CD99: variants seen among roughly 807,000 people sequenced by gnomAD.
CD99 encodes CD99 antigen.
Under a neutral mutation model 28.4 loss-of-function variants are expected in CD99, and 19 were observed. That is an observed-to-expected ratio of 0.67 (90% CI 0.47 to 0.98). CD99 has a LOEUF of 0.98. CD99 is among the 50% of genes least tolerant of loss of function. The pLI is 0.00. For synonymous variants in CD99, 103 were observed against 92.1 expected, an observed-to-expected ratio of 1.12 and a Z score of -0.67; for missense variants, 283 against 248.8, an observed-to-expected ratio of 1.14 and a Z score of -0.92.
chrX:2,707,101 A>G (rs2048156418), intron 1 of CD99, among the ~76,000 whole-genome samples: 1 of 152,186 alleles, frequency 6.6e-6, no homozygotes, highest in African/African-American at 2.4e-5. Flanking sequence ...AGGCCAAGGC[A>G]GGCAGATCAC....
At chrX:2,708,357 T>G (rs1029251510) in intron 1 of CD99, among the ~76,000 whole-genome samples, 7 of 151,986 alleles carry the variant, frequency 4.6e-5, no homozygotes, top group African/African-American at 1.7e-4. Context: ...TGGGGTGGTG[T>G]TTGGGGAGCT....
At chrX:2,695,191 C>T (rs17842917) in intron 1 of CD99, among the ~76,000 whole-genome samples, 2,319 of 151,648 alleles carry the variant, frequency 0.015, 73 homozygotes, top group African/African-American at 0.053. Context: ...GTGTGTCTCT[C>T]GGGGTGCGAA....
At chrX:2,733,503 G>A (rs936614706) in intron 8 of CD99, 8 of 944,536 alleles carry the variant, frequency 8.5e-6, no homozygotes, top group East Asian at 2.6e-5. Context: ...TTCCCACCAC[G>A]ATGGGATTCT....
At chrX:2,726,812 G>A (rs2049310296) in intron 8 of CD99, among the ~76,000 whole-genome samples, 1 of 142,868 alleles carries the variant, frequency 7.0e-6, no homozygotes, top group Non-Finnish European at 1.5e-5. Flanking sequence ...GGGCCGCCAC[G>A]GTCCTTTCTC....
intron 1 of CD99, among the ~76,000 whole-genome samples, chrX:2,713,417 C>G (rs761592827): frequency 6.6e-6 from 1 of 152,036 alleles, no homozygotes; most frequent in African/African-American, 2.4e-5. Flanking sequence ...ATGCACCTGC[C>G]TATATGCACC....
intron 1 of CD99, among the ~76,000 whole-genome samples, chrX:2,713,144 C>T (rs1306556137): frequency 8.0e-5 from 12 of 150,724 alleles, no homozygotes; most frequent in African/African-American, 2.0e-4. Flanking sequence ...ACACACAAAC[C>T]CACATATACA....
Position 2,712,838 on chromosome X carries a change from A to G in CD99, c.68-1584A>G, listed in dbSNP as rs981413776. ...ACCTACCTGTATGTACATACTCAAA[A>G]CACACCTTCACACTATACTCACCTA... On this transcript the variant is annotated intron_variant, in intron 1 of 9. Transcript: ENST00000381192. Among the ~76,000 whole-genome samples the G allele has an allele frequency of 7.3e-4, 111 of 152,188 alleles. 1 individual carries two copies. The highest frequency in any genetic ancestry group is 2.6e-3 in the African/African-American group (107 of 41,504).
intron 1 of CD99, among the ~76,000 whole-genome samples, chrX:2,700,620 C>G (rs2047806245): frequency 6.6e-6 from 1 of 151,570 alleles, no homozygotes; most frequent in Admixed American, 6.6e-5. Context: ...GTTAATGCAC[C>G]TGTCCATCCA....
chrX:2,702,779 A>T lies in CD99; in HGVS notation c.67+11352A>T, dbSNP rs746742774. ...ATGCACAGAACGGCAAAAAAATTGA[A>T]CTTTTTTTTTTTATTTTTTTTGGAT... On this transcript the variant is annotated intron_variant, in intron 1 of 9. Transcript: ENST00000381192. Among the ~76,000 whole-genome samples the T allele has an allele frequency of 4.6e-5, 7 of 151,318 alleles. No homozygotes were observed. The East Asian group carries it at 1.4e-3, about 29-fold the overall frequency.
Position 2,719,682 on chromosome X carries a change from A to G in CD99, c.170A>G (p.Asp57Gly). 6.2e-7 allele frequency: 1 copy of G among 1,613,718 alleles called. No individual in the cohort carries two copies. Among genetic ancestry groups the G allele is most frequent in the Non-Finnish European group, 8.5e-7 (1 of 1,179,780 alleles). ...TTAGGGGATGACTTTGACTTAGGAGATGCTGTTGTTGATGGAGAAAATGGT... is the reference window on the plus strand; with the variant it reads ...TTAGGGGATGACTTTGACTTAGGAGGTGCTGTTGTTGATGGAGAAAATGGT... ...PSAGDDFDLG[D>G]AVVDGENDDP... is the part of the protein sequence containing the mutation. The change falls in exon 4 of 10, where the codon GAT becomes GGT. Residue 57 changes from aspartate to glycine, a missense_variant. Transcript: ENST00000381192.
chrX:2,708,636 C>T (rs1216626220), intron 1 of CD99, among the ~76,000 whole-genome samples: 2 of 152,072 alleles, frequency 1.3e-5, no homozygotes, highest in African/African-American at 2.4e-5. Context: ...GCTCCAAGTG[C>T]GGGGCTGAGG....
intron 1 of CD99, among the ~76,000 whole-genome samples, chrX:2,708,604 C>G (rs1247498590): frequency 6.6e-6 from 1 of 152,116 alleles, no homozygotes; most frequent in Non-Finnish European, 1.5e-5. Context: ...AGAAACAGCA[C>G]AGAGATAAGA....
intron 1 of CD99, among the ~76,000 whole-genome samples, chrX:2,705,880 GCTATTCCCACA>G (rs1326508147): frequency 6.6e-6 from 1 of 152,102 alleles, no homozygotes; most frequent in Non-Finnish European, 1.5e-5. Flanking sequence ...GCTGCCTCCT[GCTATTCCCACA>G]CAGGAGGACT....
chrX:2,698,575 GC>G (rs2124472884), intron 1 of CD99, among the ~76,000 whole-genome samples: 1 of 151,942 alleles, frequency 6.6e-6, no homozygotes, highest in South Asian at 2.1e-4. Flanking sequence ...CAGGTGACCT[GC>G]CCACCTTAGC....
intron 8 of CD99, 171 bp downstream of exon 8, chrX:2,726,544 G>T: frequency 5.8e-6 from 4 of 694,410 alleles, no homozygotes; most frequent in South Asian, 3.0e-5. Context: ...TTGATTTCAG[G>T]GCTGTTCTGC....
chrX:2,699,156 T>C (rs1427317776), intron 1 of CD99, among the ~76,000 whole-genome samples: 1 of 151,736 alleles, frequency 6.6e-6, no homozygotes, highest in Non-Finnish European at 1.5e-5. Context: ...TTGTTTTCTC[T>C]TCTCTCTTTT....
At chrX:2,718,690 A>G (rs994047636) in intron 3 of CD99, among the ~76,000 whole-genome samples, 1 of 152,196 alleles carries the variant, frequency 6.6e-6, no homozygotes, top group African/African-American at 2.4e-5. Flanking sequence ...TCTTTCAAAC[A>G]AAAGTCAGAA....
chrX:2,716,949 T>C (rs1287998883), intron 2 of CD99, among the ~76,000 whole-genome samples: 1 of 152,162 alleles, frequency 6.6e-6, no homozygotes, highest in Non-Finnish European at 1.5e-5. Context: ...TCTCTCCTTC[T>C]CATGCATAGA....
intron 1 of CD99, among the ~76,000 whole-genome samples, chrX:2,710,775 G>C (rs1402413779): frequency 4.6e-5 from 7 of 151,932 alleles, no homozygotes; most frequent in Non-Finnish European, 1.0e-4. Flanking sequence ...GTCATTTCCG[G>C]GGAAGAGAGT....
Sources: allele counts gnomAD v4.1 joint callset (sites outside exome capture counted in the v4.1 genomes callset), GRCh38; gene constraint gnomAD v4.1.1; transcripts MANE v1.5; gene names NCBI Gene and HGNC (gene_info 2026-07-23, HGNC 2026-07-21).